The following PDE4D variants were observed in gnomAD, a reference collection of about 807,000 sequenced individuals.
The protein encoded by PDE4D is phosphodiesterase 4D.
PDE4D carries 24 observed loss-of-function variants against 87.4 expected under a neutral mutation model. That is an observed-to-expected ratio of 0.27 (90% CI 0.20 to 0.39). The LOEUF is 0.39. Ranked by LOEUF, PDE4D falls within the 10% of genes least tolerant of loss-of-function variation. The pLI is 1.00. For synonymous variants in PDE4D, 384 were observed against 383.2 expected, an observed-to-expected ratio of 1.00 and a Z score of -0.02; for missense variants, 714 against 1,041.0, an observed-to-expected ratio of 0.69 and a Z score of 4.32.
At chr5:60,321,380 A>G (rs1465997484) in intron 1 of PDE4D, among the ~76,000 whole-genome samples, 3 of 152,210 alleles carry the variant, frequency 2.0e-5, no homozygotes, top group Admixed American at 2.0e-4. Context: ...TTTATATCAT[A>G]TACAACAATT....
intron 1 of PDE4D, among the ~76,000 whole-genome samples, chr5:59,269,974 C>T (rs886340151): frequency 6.6e-6 from 1 of 152,056 alleles, no homozygotes; most frequent in East Asian, 1.9e-4. Flanking sequence ...GGTGACTCCT[C>T]CAGGGACACA....
At chr5:60,050,764 C>T (rs1322229705) in intron 2 of PDE4D, among the ~76,000 whole-genome samples, 1 of 152,142 alleles carries the variant, frequency 6.6e-6, no homozygotes, top group African/African-American at 2.4e-5. Context: ...AGGCAAGATC[C>T]ATTGTTGTGC....
At chr5:59,421,218 C>T (rs1794439747) in intron 1 of PDE4D, among the ~76,000 whole-genome samples, 1 of 152,040 alleles carries the variant, frequency 6.6e-6, no homozygotes, top group African/African-American at 2.4e-5. Flanking sequence ...TTGATTCAAC[C>T]ATTGCTTAGA....
intron 1 of PDE4D, among the ~76,000 whole-genome samples, chr5:59,452,116 C>T (rs114848609): frequency 1.2e-3 from 176 of 152,112 alleles, no homozygotes; most frequent in African/African-American, 4.1e-3. Flanking sequence ...TTCTGTGTAG[C>T]CCAAGACAAT....
intron 1 of PDE4D, among the ~76,000 whole-genome samples, chr5:59,835,206 T>C (rs1226997934): frequency 6.6e-6 from 1 of 152,064 alleles, no homozygotes; most frequent in Non-Finnish European, 1.5e-5. Context: ...AATTTCCTTA[T>C]TTACAAAATG....
chr5:59,500,761 AT>A (rs1178091341), intron 1 of PDE4D, among the ~76,000 whole-genome samples: 7 of 152,168 alleles, frequency 4.6e-5, no homozygotes, highest in African/African-American at 1.7e-4. Flanking sequence ...TAAAATAAAA[AT>A]AAAATAAGAA....
intron 2 of PDE4D, among the ~76,000 whole-genome samples, chr5:60,105,324 A>C (rs1776761050): frequency 1.3e-5 from 2 of 152,174 alleles, no homozygotes; most frequent in Admixed American, 6.5e-5. Flanking sequence ...AAAGAATAAA[A>C]AGAAACGAAC....
At chr5:59,987,274 T>G (rs552043756) in intron 3 of PDE4D, 2 of 152,330 alleles carry the variant, frequency 1.3e-5, no homozygotes, top group African/African-American at 4.8e-5. Flanking sequence ...GGTCAAGCTG[T>G]CATATAAAAT....
chr5:59,814,381 G>A (rs1768734959), intron 1 of PDE4D, among the ~76,000 whole-genome samples: 1 of 152,138 alleles, frequency 6.6e-6, no homozygotes, highest in Non-Finnish European at 1.5e-5. Flanking sequence ...GCTATCTATA[G>A]TATTTAACAA....
At chr5:60,367,771 T>C (rs1760681809) in intron 1 of PDE4D, among the ~76,000 whole-genome samples, 1 of 152,126 alleles carries the variant, frequency 6.6e-6, no homozygotes, top group South Asian at 2.1e-4. Context: ...CTAAATTAAT[T>C]TTTTCTGAGC....
chr5:59,794,137 GCACACACACACACACA>G (rs58204799), intron 1 of PDE4D, among the ~76,000 whole-genome samples: 164 of 145,002 alleles, frequency 1.1e-3, no homozygotes, highest in East Asian at 2.9e-3. Context: ...ACACAGAGGC[GCACACACACACACACA>G]CACACACACA....
At chr5:60,475,548 T>C (rs1046012147) in intron 1 of PDE4D, among the ~76,000 whole-genome samples, 19 of 152,250 alleles carry the variant, frequency 1.2e-4, no homozygotes, top group Non-Finnish European at 2.2e-4. Flanking sequence ...CTAAACCTCA[T>C]TCTATAATAA....
Position 59,133,403 on chromosome 5 carries a change from G to A in PDE4D, c.808+47192C>T, listed in dbSNP as rs776565768. ...TTTGTAAATTGGAGTCCATAGAGTC[G>A]TGAGGATTTCACAAGGTAATTTATT... On this transcript the variant is annotated intron_variant, in intron 5 of 14. Coordinates refer to ENST00000340635, the MANE Select transcript of PDE4D (RefSeq NM_001104631.2). 7.9e-5 allele frequency among the ~76,000 whole-genome samples: 12 copies of A among 152,254 alleles called. 1 individual carries two copies. The highest frequency in any genetic ancestry group is 6.8e-3 in the Middle Eastern group (2 of 294).
intron 5 of PDE4D, among the ~76,000 whole-genome samples, chr5:59,164,658 T>A (rs146753817): frequency 0.011 from 1,746 of 152,230 alleles, 19 homozygotes; most frequent in African/African-American, 0.015. Context: ...ATCTTTTTTT[T>A]AAAAAAATGA....
intron 1 of PDE4D, among the ~76,000 whole-genome samples, chr5:59,362,009 G>A (rs1330863875): frequency 1.3e-5 from 2 of 152,160 alleles, no homozygotes; most frequent in African/African-American, 4.8e-5. Flanking sequence ...GGGGATTAGA[G>A]ATTAGAGTCA....
chr5:60,308,835 C>T (rs1036187322), intron 1 of PDE4D, among the ~76,000 whole-genome samples: 1 of 152,138 alleles, frequency 6.6e-6, no homozygotes, highest in African/African-American at 2.4e-5. Flanking sequence ...TCCTCCCTGG[C>T]TCCCAATCTT....
At chr5:59,299,740 C>G (rs1581832674) in intron 1 of PDE4D, among the ~76,000 whole-genome samples, 1 of 152,140 alleles carries the variant, frequency 6.6e-6, no homozygotes, top group East Asian at 1.9e-4. Flanking sequence ...CTGTCATTTG[C>G]CTTTTTTCAT....
intron 1 of PDE4D, among the ~76,000 whole-genome samples, chr5:59,527,132 A>T (rs1248088212): frequency 6.6e-6 from 1 of 152,204 alleles, no homozygotes; most frequent in Non-Finnish European, 1.5e-5. Flanking sequence ...TTACCCTGAA[A>T]TAACCACTGA....
At chr5:59,137,748 G>C (rs532881657) in intron 5 of PDE4D, among the ~76,000 whole-genome samples, 87 of 152,274 alleles carry the variant, frequency 5.7e-4, no homozygotes, top group Middle Eastern at 6.8e-3. Context: ...GGATGGTCTG[G>C]ATCTCCTGAC....
Sources: gnomAD v4.1 joint callset for allele counts (sites outside exome capture counted in the v4.1 genomes callset) on GRCh38, gnomAD v4.1.1 for gene constraint, MANE v1.5 for transcripts, NCBI Gene and HGNC (gene_info 2026-07-23, HGNC 2026-07-21) for gene names.